CMAS: variants seen among roughly 807,000 people sequenced by gnomAD.
CMAS encodes cytidine monophosphate N-acetylneuraminic acid synthetase, also known as N-acylneuraminate cytidylyltransferase.
In CMAS, 21 loss-of-function variants were observed where a neutral mutation model predicts 53.4. That is an observed-to-expected ratio of 0.39 (90% CI 0.28 to 0.57). CMAS has a LOEUF of 0.57. Among genes scored for constraint, CMAS ranks in the 20% least tolerant of loss-of-function variants. The probability of loss-of-function intolerance (pLI) is 0.56; values close to 1 mark genes in which losing one functional copy is unlikely to be tolerated. For synonymous variants in CMAS, 189 were observed against 195.2 expected, an observed-to-expected ratio of 0.97 and a Z score of 0.27; for missense variants, 384 against 534.9, an observed-to-expected ratio of 0.72 and a Z score of 2.78.
intron 3 of CMAS, among the ~76,000 whole-genome samples, 178 bp from the exon 4 acceptor site, chr12:22,058,389 C>T (rs1280763852): frequency 6.7e-6 from 1 of 150,012 alleles, no homozygotes; most frequent in Non-Finnish European, 1.5e-5. Context: ...CGCACCATTG[C>T]ACTCCAGCCT....
Position 22,065,185 on chromosome 12 carries a change from C to A in CMAS, c.1179C>A (p.Ala393=). Residue 393 remains alanine (A), a synonymous_variant, in exon 8 of 8, where the codon GCC becomes GCA. Transcript: ENST00000229329. The part of the protein sequence containing the change: ...RVGLSGAPAD[A]CSTAQKAVGY... Reference sequence around the variant, plus strand: ...GCCTAAGTGGCGCTCCTGCTGATGCCTGTTCTACTGCCCAGAAGGCTGTTG... The same window carrying A: ...GCCTAAGTGGCGCTCCTGCTGATGCATGTTCTACTGCCCAGAAGGCTGTTG... The A allele has an allele frequency of 3.1e-6, 5 of 1,613,946 alleles. No homozygotes were observed. Among genetic ancestry groups the A allele is most frequent in the Non-Finnish European group, 4.2e-6 (5 of 1,179,904 alleles).
intron 1 of CMAS, among the ~76,000 whole-genome samples, chr12:22,048,616 A>G (rs552283179): frequency 1.1e-4 from 16 of 152,316 alleles, no homozygotes; most frequent in African/African-American, 3.4e-4. Flanking sequence ...AAAGCTTGCA[A>G]TTATAAAAAC....
chr12:22,056,532 G>C (rs1950269447), intron 3 of CMAS, among the ~76,000 whole-genome samples: 1 of 152,112 alleles, frequency 6.6e-6, no homozygotes, highest in Non-Finnish European at 1.5e-5. Flanking sequence ...CTTATTAGGA[G>C]ATACATCTTG....
In CMAS at chr12:22,058,720, A is replaced by T; in HGVS notation, c.693+20A>T. The T allele has an allele frequency of 6.2e-7, 1 of 1,609,856 alleles. No individual in the cohort carries two copies. Among genetic ancestry groups the T allele is most frequent in the Non-Finnish European group, 8.5e-7 (1 of 1,178,144 alleles). On this transcript the variant is annotated intron_variant, in intron 4 of 7. Transcript: ENST00000229329. ...TTGCAGGTTTGTACCTTCATTTTGCATAACCCTTTTAAGCGCTTTTGTAGG... is the reference window on the plus strand; with the variant it reads ...TTGCAGGTTTGTACCTTCATTTTGCTTAACCCTTTTAAGCGCTTTTGTAGG...
rs1950203221 is a variant in CMAS at position 22,046,226 on chromosome 12, A to G, written c.-78A>G. 3 of 1,330,962 alleles carry G rather than the reference A, an allele frequency of 2.3e-6. No homozygotes were observed. Among genetic ancestry groups the G allele is most frequent in the Middle Eastern group, 2.6e-4 (1 of 3,814 alleles). 82.4% of individuals were successfully genotyped at this position (1,330,962 alleles called of 1,614,324 possible). A position where few individuals can be genotyped will look rare whatever the true frequency, so the allele number is the denominator to read the frequency against. On this transcript the variant is annotated 5_prime_UTR_variant, in exon 1 of 8. Transcript: ENST00000229329. ...CGCGCGCGCCAGCTGCCAGGCGGGGATCGGGCGGCGCCGAGCTGAGGTGGT... is the reference window on the plus strand; with the variant it reads ...CGCGCGCGCCAGCTGCCAGGCGGGGGTCGGGCGGCGCCGAGCTGAGGTGGT...
intron 1 of CMAS, among the ~76,000 whole-genome samples, chr12:22,049,914 A>G (rs1950230187): frequency 6.6e-6 from 1 of 151,626 alleles, no homozygotes; most frequent in Non-Finnish European, 1.5e-5. Flanking sequence ...CAAAAAAAAA[A>G]AAAAAATTTT....
chr12:22,055,414 T>G, intron 2 of CMAS, 41 bp from the exon 3 acceptor site: 1 of 1,534,794 alleles, frequency 6.5e-7, no homozygotes. Flanking sequence ...GCAAGGAACT[T>G]TTTTTTTAAA....
rs1291821904 is a variant in CMAS at position 22,061,283 on chromosome 12, A to G, written c.791A>G (p.Tyr264Cys). ...AGGTCTATTTTGGTTTCTTTTAGAT[A>G]TGGCTATTTTGGCAAAGAGAAGCTT... The part of the protein sequence containing the change: ...WPIAEQRVLR[Y>C]GYFGKEKLKE... Residue 264 changes from tyrosine (Y) to cysteine (C), a missense_variant and splice_region_variant, in exon 6 of 8, where the codon TAT becomes TGT. By Grantham distance (194) the Tyr-to-Cys change is radical (BLOSUM62 -2). This residue lies in a region of CMAS where 139 missense variants were observed against 248.0 expected (regional missense o/e 0.56). Coordinates refer to ENST00000229329, the MANE Select transcript of CMAS (RefSeq NM_018686.6). 2 of 1,611,010 alleles carry G rather than the reference A, an allele frequency of 1.2e-6. No individual in the cohort carries two copies. The highest frequency in any genetic ancestry group is 1.3e-5 in the African/African-American group (1 of 74,720).
chr12:22,062,576 A>G (rs886227186), intron 7 of CMAS, 142 bp downstream of exon 7: 18 of 803,526 alleles, frequency 2.2e-5, no homozygotes, highest in Non-Finnish European at 3.6e-5. Flanking sequence ...CTGCTGATCA[A>G]ACTGTTAAAC....
In CMAS at chr12:22,061,287, C is replaced by A; in HGVS notation, c.795C>A (p.Gly265=). Residue 265 remains glycine, a synonymous_variant, in exon 6 of 8, where the codon GGC becomes GGA. Transcript: ENST00000229329. The part of the protein sequence containing the change: ...PIAEQRVLRY[G]YFGKEKLKEI... Reference sequence around the variant, plus strand: ...CTATTTTGGTTTCTTTTAGATATGGCTATTTTGGCAAAGAGAAGCTTAAGG... The same window carrying A: ...CTATTTTGGTTTCTTTTAGATATGGATATTTTGGCAAAGAGAAGCTTAAGG... 1.2e-6 allele frequency: 2 copies of A among 1,611,270 alleles called. No homozygotes were observed. Among genetic ancestry groups the A allele is most frequent in the Non-Finnish European group, 1.7e-6 (2 of 1,178,614 alleles).
At chr12:22,063,147 T>G (rs1265797650) in intron 7 of CMAS, among the ~76,000 whole-genome samples, 2 of 152,212 alleles carry the variant, frequency 1.3e-5, no homozygotes, top group Non-Finnish European at 2.9e-5. Context: ...GAGCTTACAG[T>G]CTGATGATGT....
chr12:22,054,528 T>C (rs1247507303), intron 1 of CMAS, among the ~76,000 whole-genome samples: 1 of 152,220 alleles, frequency 6.6e-6, no homozygotes. Context: ...AAGAGTTGTT[T>C]CATCTGATTT....
At chr12:22,057,240 TACACACACACACACACAC>T (rs71053372) in intron 3 of CMAS, among the ~76,000 whole-genome samples, 2 of 118,032 alleles carry the variant, frequency 1.7e-5, no homozygotes, top group Admixed American at 1.6e-4. Context: ...CACACACACA[TACACACACACACACACAC>T]ACACACACAC....
rs771690884 is a variant in CMAS, at chr12:22,058,593, T to C, written c.586T>C (p.Leu196=). ...TCGTGAAGTGACCGAACCTCTGAAT[T>C]TAAATCCAGCTAAACGGCCTCGTCG... ...GVREVTEPLN[L]NPAKRPRRQD... The change falls in exon 4 of 8, where the codon TTA becomes CTA. Residue 196 remains leucine (L), a synonymous_variant. Transcript: ENST00000229329. 3.7e-6 allele frequency: 6 copies of C among 1,613,560 alleles called. No individual in the cohort carries two copies. The highest frequency in any genetic ancestry group is 5.1e-6 in the Non-Finnish European group (6 of 1,179,812).
At position 22,057,226 on chromosome 12, in the gene CMAS, T is replaced by TACACACACACAC. The variant is rs71053371; in HGVS notation, c.560-1339_560-1328dup. ...AAGATTCTGGAGAGTAACCAGCTAT[T>TACACACACACAC]ACACACACACACATACACACACACA... On this transcript the variant is annotated intron_variant, in intron 3 of 7. Transcript: ENST00000229329. Among the ~76,000 whole-genome samples, 265 of 133,900 alleles carry TACACACACACAC rather than the reference T, an allele frequency of 2.0e-3. 2 individuals are homozygous for TACACACACACAC. The highest frequency in any genetic ancestry group is 2.8e-3 in the East Asian group (13 of 4,656). The allele number at this position is 133,900 out of a possible 152,430, so 87.8% of individuals were successfully genotyped here.
intron 1 of CMAS, among the ~76,000 whole-genome samples, chr12:22,051,368 T>C (rs1427538819): frequency 6.6e-6 from 1 of 152,234 alleles, no homozygotes; most frequent in Admixed American, 6.5e-5. Flanking sequence ...GTTTTAGTTT[T>C]ATGCTTAGGG....
chr12:22,060,390 C>T (rs1295625919), intron 4 of CMAS, among the ~76,000 whole-genome samples: 1 of 136,970 alleles, frequency 7.3e-6, no homozygotes, highest in African/African-American at 2.7e-5. Flanking sequence ...GCATGTCATC[C>T]CAGCACTTTG....
intron 4 of CMAS, chr12:22,060,498 T>A (rs927733752): frequency 5.8e-6 from 1 of 172,524 alleles, no homozygotes; most frequent in African/African-American, 2.4e-5. Context: ...AAAAACTTTT[T>A]AAAAATTTAG....
At chr12:22,055,693 G>A (rs1950263714) in intron 3 of CMAS, 83 bp downstream of exon 3, 3 of 1,125,256 alleles carry the variant, frequency 2.7e-6, no homozygotes, top group Admixed American at 2.2e-5. Context: ...GGCATGAGGA[G>A]AGTAAAAGGG....
Sources: allele counts gnomAD v4.1 joint callset (sites outside exome capture counted in the v4.1 genomes callset), GRCh38; gene constraint gnomAD v4.1.1; regional missense constraint gnomAD v4.1.1; transcripts MANE v1.5; gene names NCBI Gene and HGNC (gene_info 2026-07-23, HGNC 2026-07-21).